TRHDE: variants seen among roughly 807,000 people sequenced by gnomAD.
TRHDE encodes the protein thyrotropin releasing hormone degrading enzyme, also known as thyrotropin-releasing hormone-degrading ectoenzyme.
In TRHDE, 72 loss-of-function variants were observed where a neutral mutation model predicts 125.7. The observed-to-expected ratio is 0.57, with a 90% CI of 0.47 to 0.70. TRHDE has a LOEUF of 0.70. Ranked by LOEUF, TRHDE falls within the 30% of genes least tolerant of loss-of-function variation. The pLI is 0.00. For missense variants in TRHDE, 1,110 were observed against 1,327.1 expected (o/e 0.84, Z 2.54); for synonymous variants, 509 against 509.1 (o/e 1.00, Z 0.00).
rs542147094 is a variant in TRHDE at position 72,290,024 on chromosome 12, G to A, written c.1188+3070G>A. 2.1e-4 allele frequency among the ~76,000 whole-genome samples: 32 copies of A among 152,328 alleles called. No homozygotes were observed. The South Asian group carries it at 3.9e-3, about 19-fold the overall frequency. ...AATGAATTCAATAATTGTGGTTTAG[G>A]AACACTAGTATTTACGTATTCACGA... On this transcript the variant is annotated intron_variant, in intron 2 of 18. Transcript: ENST00000261180.
chr12:72,264,190 C>A (rs1034360858), intron 2 of TRHDE: 2 of 151,984 alleles, frequency 1.3e-5, no homozygotes, highest in African/African-American at 4.8e-5. Context: ...TCTTGTGTGT[C>A]TCAATTAAAA....
intron 3 of TRHDE, among the ~76,000 whole-genome samples, chr12:72,448,233 G>C (rs2135865983): frequency 1.3e-5 from 2 of 152,180 alleles, no homozygotes; most frequent in South Asian, 2.1e-4. Flanking sequence ...ATTCACATTT[G>C]TTGCCATCAT....
At chr12:72,204,243 C>G (rs1418812456) in intron 2 of TRHDE, among the ~76,000 whole-genome samples, 1 of 152,070 alleles carries the variant, frequency 6.6e-6, no homozygotes, top group Non-Finnish European at 1.5e-5. Flanking sequence ...CTATTTTCCT[C>G]CTACATGGCT....
intron 12 of TRHDE, among the ~76,000 whole-genome samples, chr12:72,586,446 A>G (rs1871443294): frequency 6.6e-6 from 1 of 152,200 alleles, no homozygotes; most frequent in African/African-American, 2.4e-5. Context: ...GGAGTGGAGT[A>G]TCATTGAAGA....
At chr12:72,429,158 C>T (rs1379781990) in intron 3 of TRHDE, among the ~76,000 whole-genome samples, 1 of 151,770 alleles carries the variant, frequency 6.6e-6, no homozygotes, top group Non-Finnish European at 1.5e-5. Context: ...AACACATGGA[C>T]ACAGGGAGGG....
chr12:72,537,825 C>T (rs931283205), intron 6 of TRHDE, among the ~76,000 whole-genome samples: 10 of 151,916 alleles, frequency 6.6e-5, no homozygotes, highest in African/African-American at 2.2e-4. Flanking sequence ...TGGCAATGAG[C>T]GTATAATGGT....
chr12:72,617,649 C>T (rs1342251476), intron 12 of TRHDE, among the ~76,000 whole-genome samples: 1 of 152,046 alleles, frequency 6.6e-6, no homozygotes, highest in East Asian at 1.9e-4. Context: ...TCTGTTTGGG[C>T]TGTTATAACA....
At chr12:72,205,524 C>T (rs989365029) in intron 2 of TRHDE, among the ~76,000 whole-genome samples, 1 of 152,100 alleles carries the variant, frequency 6.6e-6, no homozygotes, top group Non-Finnish European at 1.5e-5. Context: ...TCCCTCTTCC[C>T]CCAGCCCTTG....
intron 17 of TRHDE, 113 bp from the exon 18 acceptor site, chr12:72,656,814 C>G (rs1874724487): frequency 1.4e-6 from 1 of 714,796 alleles, no homozygotes; most frequent in African/African-American, 1.8e-5. Context: ...ATCTGGCAGT[C>G]TCTGACAACA....
intron 3 of TRHDE, among the ~76,000 whole-genome samples, chr12:72,465,907 C>T (rs1220231383): frequency 6.6e-6 from 1 of 152,148 alleles, no homozygotes; most frequent in Non-Finnish European, 1.5e-5. Flanking sequence ...CATGGTTCCT[C>T]ATATTTATTA....
chr12:72,288,443 C>G (rs911263302), intron 2 of TRHDE, among the ~76,000 whole-genome samples: 1 of 152,086 alleles, frequency 6.6e-6, no homozygotes, highest in African/African-American at 2.4e-5. Flanking sequence ...TAAATGCACA[C>G]TTCTTAGAAG....
chr12:72,094,108 G>A (rs1874854253), intron 1 of TRHDE, among the ~76,000 whole-genome samples: 1 of 152,164 alleles, frequency 6.6e-6, no homozygotes, highest in South Asian at 2.1e-4. Flanking sequence ...CTCTTATCAG[G>A]ACTGAATTTG....
intron 15 of TRHDE, among the ~76,000 whole-genome samples, chr12:72,632,770 T>G (rs1873551369): frequency 6.6e-6 from 1 of 151,314 alleles, no homozygotes; most frequent in South Asian, 2.1e-4. Flanking sequence ...CGAATTTTCC[T>G]CTATTTGCTT....
rs1163964032 is a variant in TRHDE, at chr12:72,148,342, A to G, written n.279+42590A>G. On this transcript the variant is annotated intron_variant and non_coding_transcript_variant, in intron 2 of 4. Coordinates refer to the TRHDE transcript ENST00000548156. Reference sequence around the variant, plus strand: ...AATTTGATGTGAAATTCCATCTGACATGTTTGTAACAGCTTTAATTATTTA... The same window carrying G: ...AATTTGATGTGAAATTCCATCTGACGTGTTTGTAACAGCTTTAATTATTTA... 1.3e-5 allele frequency among the ~76,000 whole-genome samples: 2 copies of G among 152,220 alleles called. 1 individual carries two copies. Among genetic ancestry groups the G allele is most frequent in the Non-Finnish European group, 2.9e-5 (2 of 68,050 alleles).
rs541659162 is a variant in TRHDE, at chr12:72,656,440, A to G, written c.2985-487A>G. On this transcript the variant is annotated intron_variant, in intron 17 of 18. Coordinates refer to ENST00000261180, the MANE Select transcript of TRHDE (RefSeq NM_013381.3). ...CATTTTTGAGAATGCATTTTGCCTC[A>G]ATTTCTAAGAATAAAATAATATGAA... Among the ~76,000 whole-genome samples, 7 of 152,240 alleles carry G rather than the reference A, an allele frequency of 4.6e-5. No individual in the cohort carries two copies. In the East Asian group the frequency reaches 1.2e-3, roughly 25 times the overall value.
intron 15 of TRHDE, among the ~76,000 whole-genome samples, chr12:72,650,001 C>T (rs2136108096): frequency 6.6e-6 from 1 of 152,132 alleles, no homozygotes; most frequent in South Asian, 2.1e-4. Flanking sequence ...AATAGAACTA[C>T]AATATAATCC....
In TRHDE at chr12:72,652,235, CTG is replaced by C. The variant is rs1181874836; in HGVS notation, c.2676-85_2676-84del. On this transcript the variant is annotated intron_variant, in intron 15 of 18. Coordinates refer to ENST00000261180, the MANE Select transcript of TRHDE (RefSeq NM_013381.3). ...GCAAAATAATCTTTTAAAAAACTGA[CTG>C]TAGTAAATAAAGCAAAACCTGTCTT... 11 of 926,924 alleles carry C rather than the reference CTG, an allele frequency of 1.2e-5. No homozygotes were observed. The South Asian group carries it at 4.0e-4, about 34-fold the overall frequency. 57.4% of individuals were successfully genotyped at this position (926,924 alleles called of 1,614,324 possible).
chr12:72,233,447 AGC>A (rs1878285067), intron 2 of TRHDE, among the ~76,000 whole-genome samples: 1 of 152,194 alleles, frequency 6.6e-6, no homozygotes, highest in South Asian at 2.1e-4. Flanking sequence ...AGATGGCTAG[AGC>A]GCTGGGGCAC....
At chr12:72,410,654 A>G (rs1873456000) in intron 3 of TRHDE, among the ~76,000 whole-genome samples, 1 of 152,194 alleles carries the variant, frequency 6.6e-6, no homozygotes, top group Non-Finnish European at 1.5e-5. Context: ...AAACAATAAA[A>G]GTCAACATCT....
Sources: allele counts gnomAD v4.1 joint callset (sites outside exome capture counted in the v4.1 genomes callset), GRCh38; gene constraint gnomAD v4.1.1; transcripts MANE v1.5; gene names NCBI Gene and HGNC (gene_info 2026-07-23, HGNC 2026-07-21).